The following ZNG1A variants were observed in gnomAD, a reference collection of about 807,000 sequenced individuals.
ZNG1A encodes the protein zinc-regulated GTPase metalloprotein activator 1A.
At chr9:141,979 CAAG>C in the ZNG1A span, among the ~76,000 whole-genome samples, 1 of 148,830 alleles carries the variant, frequency 6.7e-6, no homozygotes, top group Non-Finnish European at 1.5e-5. Flanking sequence ...ATCAATTCAA[CAAG>C]AAGAGCTAAC....
chr9:154,345 T>C, the ZNG1A span: 1 of 373,362 alleles, frequency 2.7e-6, no homozygotes, highest in Non-Finnish European at 4.7e-6. Context: ...GAGAATACAT[T>C]ACGAGTAAAG....
the ZNG1A span, among the ~76,000 whole-genome samples, chr9:175,118 C>A: frequency 6.6e-6 from 1 of 152,198 alleles, no homozygotes; most frequent in Non-Finnish European, 1.5e-5. Context: ...GTGCCTCATG[C>A]CTGTAATCCC....
At chr9:146,039 C>T in the ZNG1A span, 5 of 1,311,116 alleles carry the variant, frequency 3.8e-6, no homozygotes, top group Admixed American at 2.2e-5. Flanking sequence ...GCACATCATT[C>T]CTGTTAACTA....
the ZNG1A span, among the ~76,000 whole-genome samples, chr9:127,193 C>T: frequency 3.9e-5 from 6 of 151,986 alleles, no homozygotes; most frequent in Non-Finnish European, 7.4e-5. Flanking sequence ...TCTTTTAACT[C>T]CATTTGTTCC....
At chr9:124,676 C>A in the ZNG1A span, among the ~76,000 whole-genome samples, 6 of 114,896 alleles carry the variant, frequency 5.2e-5, no homozygotes, top group East Asian at 1.3e-3. Flanking sequence ...ACACTGCACC[C>A]AATTTTTGTC....
the ZNG1A span, chr9:154,479 C>G: frequency 1.9e-6 from 1 of 539,468 alleles, no homozygotes; most frequent in Non-Finnish European, 3.2e-6. Context: ...TGCGAAGACC[C>G]TGAATATCAG....
At chr9:140,142 G>A in the ZNG1A span, among the ~76,000 whole-genome samples, 2 of 151,086 alleles carry the variant, frequency 1.3e-5, no homozygotes, top group South Asian at 2.1e-4. Flanking sequence ...CGGGAAGCTC[G>A]AACTGGGTGG....
the ZNG1A span, among the ~76,000 whole-genome samples, chr9:164,196 G>T: frequency 7.0e-6 from 1 of 142,032 alleles, no homozygotes; most frequent in African/African-American, 2.6e-5. Context: ...TATAGCAAAA[G>T]GGAATTATAG....
At chr9:169,314 G>A in the ZNG1A span, among the ~76,000 whole-genome samples, 5 of 147,116 alleles carry the variant, frequency 3.4e-5, no homozygotes. Context: ...GGAGTCTGAA[G>A]ATGTGACTCA....
At chr9:149,977 G>A in the ZNG1A span, among the ~76,000 whole-genome samples, 1 of 150,344 alleles carries the variant, frequency 6.7e-6, no homozygotes, top group African/African-American at 2.5e-5. Flanking sequence ...ACTACTCAAG[G>A]TGAGCCTTTT....
chr9:167,823 C>CG, the ZNG1A span, among the ~76,000 whole-genome samples: 1 of 140,918 alleles, frequency 7.1e-6, no homozygotes, highest in Admixed American at 7.1e-5. Flanking sequence ...AGCCAAGATA[C>CG]GCCAAAAGCT....
the ZNG1A span, among the ~76,000 whole-genome samples, chr9:142,104 C>T: frequency 6.8e-6 from 1 of 146,694 alleles, no homozygotes; most frequent in Non-Finnish European, 1.5e-5. Context: ...GAGACTTTAA[C>T]ACCCCACTGT....
the ZNG1A span, among the ~76,000 whole-genome samples, chr9:152,298 A>C: frequency 1.3e-5 from 2 of 152,208 alleles, no homozygotes; most frequent in Non-Finnish European, 2.9e-5. Context: ...ATACATTAAT[A>C]AAACATATAT....
At chr9:140,942 C>G in the ZNG1A span, among the ~76,000 whole-genome samples, 2 of 129,544 alleles carry the variant, frequency 1.5e-5, no homozygotes, top group Non-Finnish European at 3.2e-5. Context: ...AGGGTATCAG[C>G]GATGGAAGAT....
chr9:146,950 C>A, the ZNG1A span: 1 of 151,780 alleles, frequency 6.6e-6, no homozygotes, highest in Admixed American at 6.6e-5. Flanking sequence ...CCGAGGCGGG[C>A]GGATCACAAG....
the ZNG1A span, among the ~76,000 whole-genome samples, chr9:155,364 A>G: frequency 6.6e-6 from 1 of 151,394 alleles, no homozygotes; most frequent in Admixed American, 6.6e-5. Context: ...AGGAGGGAGG[A>G]TCCCTTAAGC....
At chr9:142,963 T>C in the ZNG1A span, among the ~76,000 whole-genome samples, 217 of 139,554 alleles carry the variant, frequency 1.6e-3, 3 homozygotes, top group African/African-American at 3.4e-3. Context: ...ATAAATTCCT[T>C]GACACATACA....
chr9:176,761 T>A, the ZNG1A span, among the ~76,000 whole-genome samples: 1 of 151,480 alleles, frequency 6.6e-6, no homozygotes, highest in Non-Finnish European at 1.5e-5. Flanking sequence ...CACAGGGCAG[T>A]GATGTGAAAA....
the ZNG1A span, among the ~76,000 whole-genome samples, chr9:127,992 G>A: frequency 6.6e-6 from 1 of 151,612 alleles, no homozygotes; most frequent in African/African-American, 2.4e-5. Context: ...TAATTGTTTT[G>A]TTTGAGGAGG....
Sources: allele counts gnomAD v4.1 joint callset (sites outside exome capture counted in the v4.1 genomes callset), GRCh38; gene constraint gnomAD v4.1.1; transcripts MANE v1.5; gene names NCBI Gene and HGNC (gene_info 2026-07-23, HGNC 2026-07-21).